The following LTBP1 variants were observed in gnomAD, a reference collection of about 807,000 sequenced individuals.
LTBP1 encodes the protein latent transforming growth factor beta binding protein 1, also known as latent-transforming growth factor beta-binding protein 1.
In LTBP1, 129 loss-of-function variants were observed where a neutral mutation model predicts 207.6. The observed-to-expected ratio is 0.62, with a 90% CI of 0.54 to 0.72. The LOEUF (loss-of-function observed/expected upper bound fraction) is 0.72. LTBP1 is among the 30% of genes least tolerant of loss of function. LTBP1 has a pLI of 0.00. For synonymous variants in LTBP1, 963 were observed against 833.7 expected, an observed-to-expected ratio of 1.16 and a Z score of -2.67; for missense variants, 2,281 against 2,217.2, an observed-to-expected ratio of 1.03 and a Z score of -0.58.
chr2:33,262,409 G>A (rs924332698), intron 13 of LTBP1, among the ~76,000 whole-genome samples: 6 of 152,242 alleles, frequency 3.9e-5, no homozygotes, highest in African/African-American at 9.6e-5. Flanking sequence ...ACCAAATATG[G>A]ACCCCTGGGC....
chr2:33,181,582 A>G (rs979414430), intron 5 of LTBP1, among the ~76,000 whole-genome samples: 1 of 152,224 alleles, frequency 6.6e-6, no homozygotes, highest in Non-Finnish European at 1.5e-5. Flanking sequence ...ACCTCTTGTT[A>G]ATTGCAGTAG....
chr2:32,995,493 A>G (rs1685116615), intron 2 of LTBP1, among the ~76,000 whole-genome samples: 1 of 152,124 alleles, frequency 6.6e-6, no homozygotes, highest in African/African-American at 2.4e-5. Context: ...ATAAGAACAC[A>G]TGATTTGGCC....
intron 2 of LTBP1, among the ~76,000 whole-genome samples, chr2:33,016,779 T>C (rs777784398): frequency 6.6e-6 from 1 of 152,184 alleles, no homozygotes; most frequent in Non-Finnish European, 1.5e-5. Context: ...TCCTAGCACT[T>C]TGGGAGGCTG....
At chr2:32,997,214 C>T (rs1475706141) in intron 2 of LTBP1, among the ~76,000 whole-genome samples, 1 of 151,898 alleles carries the variant, frequency 6.6e-6, no homozygotes, top group Admixed American at 6.6e-5. Context: ...ATGCTGATGC[C>T]AATCAAAACT....
At chr2:33,043,523 G>A (rs139897183) in intron 3 of LTBP1, among the ~76,000 whole-genome samples, 15 of 152,276 alleles carry the variant, frequency 9.9e-5, no homozygotes, top group African/African-American at 3.1e-4. Flanking sequence ...AGCCACGTGC[G>A]CAGACCATGA....
At chr2:33,172,077 G>T (rs1428925231) in intron 5 of LTBP1, among the ~76,000 whole-genome samples, 1 of 152,098 alleles carries the variant, frequency 6.6e-6, no homozygotes, top group African/African-American at 2.4e-5. Flanking sequence ...AGACCATCGA[G>T]GCTAGGAAGA....
At chr2:33,138,001 G>T (rs2082280462) in intron 5 of LTBP1, among the ~76,000 whole-genome samples, 1 of 152,184 alleles carries the variant, frequency 6.6e-6, no homozygotes, top group Non-Finnish European at 1.5e-5. Context: ...GCATACCGGG[G>T]CTGAATCCTG....
intron 32 of LTBP1, among the ~76,000 whole-genome samples, chr2:33,393,258 T>G (rs1246874652): frequency 1.6e-5 from 2 of 122,964 alleles, no homozygotes; most frequent in East Asian, 4.1e-4. Flanking sequence ...TTTTTTTTTT[T>G]TGTGGTATTT....
intron 26 of LTBP1, among the ~76,000 whole-genome samples, chr2:33,350,184 A>C (rs1402384192): frequency 6.6e-6 from 1 of 152,256 alleles, no homozygotes; most frequent in Non-Finnish European, 1.5e-5. Context: ...ATCCGTCCTG[A>C]AAAGTACTTA....
At chr2:33,111,069 G>A (rs992070080) in intron 4 of LTBP1, among the ~76,000 whole-genome samples, 2 of 152,148 alleles carry the variant, frequency 1.3e-5, no homozygotes, top group Non-Finnish European at 2.9e-5. Context: ...TGTTTACATT[G>A]ATGCAATATT....
At chr2:32,962,439 T>G (rs1041714876) in intron 2 of LTBP1, among the ~76,000 whole-genome samples, 24 of 152,226 alleles carry the variant, frequency 1.6e-4, no homozygotes, top group Admixed American at 1.5e-3. Context: ...TGTTTTTGTT[T>G]TACTTTTTCA....
At chr2:32,996,831 A>G (rs1572997923) in intron 2 of LTBP1, among the ~76,000 whole-genome samples, 2 of 152,138 alleles carry the variant, frequency 1.3e-5, no homozygotes, top group African/African-American at 2.4e-5. Context: ...CGCAGTTCCT[A>G]CTGTGCCACA....
At chr2:33,046,052 A>G (rs1466583011) in intron 3 of LTBP1, among the ~76,000 whole-genome samples, 1 of 152,206 alleles carries the variant, frequency 6.6e-6, no homozygotes, top group Admixed American at 6.5e-5. Flanking sequence ...CAATCATGTC[A>G]TCTGCAAATG....
At chr2:33,047,134 G>A (rs926540077) in intron 3 of LTBP1, among the ~76,000 whole-genome samples, 1 of 152,016 alleles carries the variant, frequency 6.6e-6, no homozygotes, top group Non-Finnish European at 1.5e-5. Context: ...CTGATCTTAA[G>A]TTATTTCTTG....
intron 24 of LTBP1, among the ~76,000 whole-genome samples, chr2:33,333,322 T>C: frequency 6.6e-6 from 1 of 152,328 alleles, no homozygotes; most frequent in East Asian, 1.9e-4. Flanking sequence ...GTAATTTATA[T>C]TTTTTAAGTA....
chr2:33,206,074 CAT>C (rs2089846844), intron 7 of LTBP1, among the ~76,000 whole-genome samples: 1 of 152,146 alleles, frequency 6.6e-6, no homozygotes, highest in African/African-American at 2.4e-5. Context: ...CAATCTAACA[CAT>C]AGTTTTGGAG....
At chr2:33,228,993 C>A (rs2091630770) in intron 9 of LTBP1, among the ~76,000 whole-genome samples, 1 of 151,862 alleles carries the variant, frequency 6.6e-6, no homozygotes, top group African/African-American at 2.4e-5. Context: ...GCCACTGTAC[C>A]CGGCCCTAAC....
chr2:33,237,328 G>A (rs922345453), intron 9 of LTBP1, among the ~76,000 whole-genome samples: 3 of 152,104 alleles, frequency 2.0e-5, no homozygotes, highest in Admixed American at 2.0e-4. Context: ...AAACATATTT[G>A]GCTGCAGAAC....
chr2:32,993,376 A>T (rs1684727602), intron 2 of LTBP1, among the ~76,000 whole-genome samples: 1 of 152,090 alleles, frequency 6.6e-6, no homozygotes. Flanking sequence ...GAAAAAACGG[A>T]AAACAATCTT....
Sources: gnomAD v4.1 joint callset for allele counts (sites outside exome capture counted in the v4.1 genomes callset) on GRCh38, gnomAD v4.1.1 for gene constraint, MANE v1.5 for transcripts, NCBI Gene and HGNC (gene_info 2026-07-23, HGNC 2026-07-21) for gene names.